The following SMIM31 variants were observed in gnomAD, a reference collection of about 807,000 sequenced individuals.
The protein encoded by SMIM31 is small integral membrane protein 31.
chr4:164,765,976 A>G (rs535461999), intron 1 of SMIM31, among the ~76,000 whole-genome samples: 2 of 152,342 alleles, frequency 1.3e-5, no homozygotes, highest in African/African-American at 2.4e-5. Context: ...CAATAAGAAG[A>G]GCATGTTCCA....
At chr4:164,781,125 T>TACACACACAC (rs1732943685) in intron 2 of SMIM31, among the ~76,000 whole-genome samples, 1 of 133,734 alleles carries the variant, frequency 7.5e-6, no homozygotes, top group African/African-American at 3.8e-5. Context: ...ATACTACATT[T>TACACACACAC]ACATACACAC....
At chr4:164,770,593 A>G (rs1732787738) in intron 2 of SMIM31, 38 bp downstream of exon 2, 2 of 398,790 alleles carry the variant, frequency 5.0e-6, no homozygotes, top group Non-Finnish European at 8.9e-6. Flanking sequence ...CTTTGTGGCT[A>G]CTGTGTCCTT....
In SMIM31 at chr4:164,773,034, A is replaced by T. The variant is rs1411091725; in HGVS notation, c.112+2479A>T. Among the ~76,000 whole-genome samples the T allele has an allele frequency of 3.7e-5, 4 of 109,430 alleles. No individual in the cohort carries two copies. In the South Asian group the frequency reaches 1.2e-3, roughly 32 times the overall value. 71.8% of individuals were successfully genotyped at this position (109,430 alleles called of 152,430 possible). A position where few individuals can be genotyped will look rare whatever the true frequency, so the allele number is the denominator to read the frequency against. On this transcript the variant is annotated intron_variant, in intron 2 of 2. Transcript: ENST00000507311. Reference sequence around the variant, plus strand: ...TTGAAAAAGACACTTGGCTTTAAAAAAAAAAAAAAAAAAAAAAAAAAGCAT... The same window carrying T: ...TTGAAAAAGACACTTGGCTTTAAAATAAAAAAAAAAAAAAAAAAAAAGCAT...
chr4:164,765,291 C>A (rs1279034212), intron 1 of SMIM31, among the ~76,000 whole-genome samples: 1 of 152,194 alleles, frequency 6.6e-6, no homozygotes, highest in African/African-American at 2.4e-5. Flanking sequence ...TGGGACACAT[C>A]ATTTGTCATT....
At chr4:164,797,126 C>T (rs1021372388) in intron 2 of SMIM31, among the ~76,000 whole-genome samples, 13 of 152,180 alleles carry the variant, frequency 8.5e-5, no homozygotes, top group African/African-American at 3.1e-4. Flanking sequence ...CCCTCAAGTA[C>T]TTACTCAATG....
rs188564916 is a variant in SMIM31, at chr4:164,772,126, G to A, written c.112+1571G>A. ...TATAGTTCTGCAGGCTGTATAGGAAGCCTAGTGGCTTCTGCTTCTGTGAAA... is the reference window on the plus strand; with the variant it reads ...TATAGTTCTGCAGGCTGTATAGGAAACCTAGTGGCTTCTGCTTCTGTGAAA... On this transcript the variant is annotated intron_variant, in intron 2 of 2. Coordinates refer to ENST00000507311, the MANE Select transcript of SMIM31 (RefSeq NM_001352885.1). Among the ~76,000 whole-genome samples the A allele has an allele frequency of 1.7e-3, 262 of 152,296 alleles. 2 individuals carry two copies. The highest frequency in any genetic ancestry group is 6.8e-3 in the Middle Eastern group (2 of 294).
chr4:164,793,400 T>A (rs1436903419), intron 2 of SMIM31, among the ~76,000 whole-genome samples: 1 of 152,172 alleles, frequency 6.6e-6, no homozygotes, highest in African/African-American at 2.4e-5. Context: ...GATATCCACA[T>A]ACAAAAGAAT....
intron 2 of SMIM31, among the ~76,000 whole-genome samples, chr4:164,776,110 C>T (rs1234835277): frequency 6.6e-6 from 1 of 152,054 alleles, no homozygotes; most frequent in African/African-American, 2.4e-5. Flanking sequence ...ACCTGTCCAC[C>T]AATAATCCCC....
At chr4:164,755,843 CGTT>C (rs1732554257) in intron 1 of SMIM31, among the ~76,000 whole-genome samples, 2 of 152,006 alleles carry the variant, frequency 1.3e-5, no homozygotes, top group Admixed American at 1.3e-4. Flanking sequence ...GTTCCCAACA[CGTT>C]GTTATGAAAA....
intron 1 of SMIM31, among the ~76,000 whole-genome samples, chr4:164,755,644 T>A (rs560025329): frequency 6.7e-6 from 1 of 149,718 alleles, no homozygotes; most frequent in Non-Finnish European, 1.5e-5. Flanking sequence ...TGAGCTGAAG[T>A]ATTATGGGAT....
chr4:164,762,797 A>G, intron 1 of SMIM31, among the ~76,000 whole-genome samples: 1 of 152,162 alleles, frequency 6.6e-6, no homozygotes, highest in East Asian at 1.9e-4. Context: ...TTCATCTATC[A>G]TATTGAAAGC....
At chr4:164,776,393 G>T (rs1227395802) in intron 2 of SMIM31, among the ~76,000 whole-genome samples, 1 of 152,112 alleles carries the variant, frequency 6.6e-6, no homozygotes, top group African/African-American at 2.4e-5. Flanking sequence ...CATGCTGTTT[G>T]CAAGAAGGCA....
intron 2 of SMIM31, among the ~76,000 whole-genome samples, chr4:164,798,003 CAGTT>C (rs1188044108): frequency 6.6e-6 from 1 of 152,080 alleles, no homozygotes; most frequent in Non-Finnish European, 1.5e-5. Flanking sequence ...TTCTGTTTGT[CAGTT>C]AGTTCACCTA....
chr4:164,794,196 A>G (rs921178766), intron 2 of SMIM31, among the ~76,000 whole-genome samples: 2 of 151,594 alleles, frequency 1.3e-5, no homozygotes, highest in Non-Finnish European at 2.9e-5. Flanking sequence ...GGGCAACATA[A>G]GGAAACCCCA....
intron 2 of SMIM31, among the ~76,000 whole-genome samples, chr4:164,796,068 C>T (rs1161473029): frequency 6.6e-6 from 1 of 152,178 alleles, no homozygotes; most frequent in African/African-American, 2.4e-5. Flanking sequence ...GGGCTTAGAA[C>T]TACTTAATGC....
chr4:164,765,147 C>G (rs1732703813), intron 1 of SMIM31, among the ~76,000 whole-genome samples: 1 of 152,136 alleles, frequency 6.6e-6, no homozygotes, highest in South Asian at 2.1e-4. Context: ...CAGAAGAAGA[C>G]TTGAGACATG....
At position 164,802,747 on chromosome 4, in the gene SMIM31, A is replaced by G. The variant is rs139963271; in HGVS notation, c.*1553A>G. 6.6e-6 allele frequency: 1 copy of G among 152,382 alleles called. No individual in the cohort carries two copies. The highest frequency in any genetic ancestry group is 1.5e-5 in the Non-Finnish European group (1 of 68,044). 9.4% of individuals were successfully genotyped at this position (152,382 alleles called of 1,614,324 possible). ...ACTGCTCACTTTCAAGAAAGATTCA[A>G]TAAAGATGGCTTTCTGCCATACAGA... On this transcript the variant is annotated 3_prime_UTR_variant, in exon 3 of 3. Transcript: ENST00000507311.
chr4:164,791,359 G>T (rs929245193), intron 2 of SMIM31, among the ~76,000 whole-genome samples: 1 of 152,118 alleles, frequency 6.6e-6, no homozygotes, highest in South Asian at 2.1e-4. Context: ...TTGAGACAGG[G>T]TCTGGCTCTG....
At chr4:164,789,630 A>G (rs534319039) in intron 2 of SMIM31, among the ~76,000 whole-genome samples, 5 of 152,314 alleles carry the variant, frequency 3.3e-5, no homozygotes, top group Non-Finnish European at 7.4e-5. Flanking sequence ...TAAAATTCAA[A>G]TGAATTTTAC....
Sources: gnomAD v4.1 joint callset for allele counts (sites outside exome capture counted in the v4.1 genomes callset) on GRCh38, gnomAD v4.1.1 for gene constraint, MANE v1.5 for transcripts, NCBI Gene and HGNC (gene_info 2026-07-23, HGNC 2026-07-21) for gene names.